The following PLCH1 variants were observed in gnomAD, a reference collection of about 807,000 sequenced individuals.
The protein encoded by PLCH1 is phospholipase C eta 1, also known as 1-phosphatidylinositol 4,5-bisphosphate phosphodiesterase eta-1.
PLCH1 carries 60 observed loss-of-function variants against 126.7 expected under a neutral mutation model. The observed-to-expected ratio is 0.47, with a 90% CI of 0.38 to 0.59. The LOEUF is 0.59. Ranked by LOEUF, PLCH1 falls within the 20% of genes least tolerant of loss-of-function variation. PLCH1 has a pLI of 0.00. For synonymous variants in PLCH1, 719 were observed against 734.9 expected, an observed-to-expected ratio of 0.98 and a Z score of 0.35; for missense variants, 1,723 against 2,040.0, an observed-to-expected ratio of 0.84 and a Z score of 2.99.
At chr3:155,708,488 C>T (rs1746853808) in intron 1 of PLCH1, among the ~76,000 whole-genome samples, 1 of 152,210 alleles carries the variant, frequency 6.6e-6, no homozygotes, top group East Asian at 1.9e-4. Context: ...ACACCTCTAG[C>T]TGGAAGATGA....
intron 12 of PLCH1, among the ~76,000 whole-genome samples, chr3:155,509,210 T>C (rs1485717228): frequency 7.5e-6 from 1 of 134,224 alleles, no homozygotes; most frequent in Admixed American, 7.0e-5. Context: ...ATCCCCTTTA[T>C]CATTTTTTAT....
In PLCH1 at chr3:155,551,369, C is replaced by T. The variant is rs559356712; in HGVS notation, c.1191-1411G>A. On this transcript the variant is annotated intron_variant, in intron 9 of 22. Coordinates refer to ENST00000460012, the MANE Select transcript of PLCH1 (RefSeq NM_014996.4). Reference sequence around the variant, plus strand: ...CTGAGGCAAGAGAATCGCTTGAACCCAGGAGGCGGAGGTTGCAGTGAGCTG... The same window carrying T: ...CTGAGGCAAGAGAATCGCTTGAACCTAGGAGGCGGAGGTTGCAGTGAGCTG... 2.9e-5 allele frequency among the ~76,000 whole-genome samples: 4 copies of T among 136,680 alleles called. No individual in the cohort carries two copies. The South Asian group carries it at 9.4e-4, about 32-fold the overall frequency. The allele number at this position is 136,680 out of a possible 152,430, so 89.7% of individuals were successfully genotyped here. A position where few individuals can be genotyped will look rare whatever the true frequency, so the allele number is the denominator to read the frequency against.
chr3:155,734,217 G>T (rs749110679), intron 1 of PLCH1, among the ~76,000 whole-genome samples: 1 of 151,926 alleles, frequency 6.6e-6, no homozygotes, highest in African/African-American at 2.4e-5. Flanking sequence ...CCAAGACTTC[G>T]GGAGGCCAAG....
At chr3:155,496,765 G>A (rs1576827695) in intron 15 of PLCH1, among the ~76,000 whole-genome samples, 1 of 152,158 alleles carries the variant, frequency 6.6e-6, no homozygotes, top group Admixed American at 6.5e-5. Context: ...GAATAGATGT[G>A]ACTAGAATTT....
chr3:155,583,496 A>G lies in PLCH1; in HGVS notation c.747T>C (p.Ala249=). ...CCTTTTGCTCCACCTTCAAAAACTG[A>G]GCCAGTTCTTCCACAGTTAGGTGAT... The part of the protein sequence containing the change: ...KKDHLTVEEL[A]QFLKVEQKMN... The change falls in exon 6 of 23, where the codon GCT becomes GCC. Residue 249 remains alanine (A), a synonymous_variant. Coordinates refer to ENST00000460012, the MANE Select transcript of PLCH1 (RefSeq NM_014996.4). 1 of 1,606,114 alleles carries G rather than the reference A, an allele frequency of 6.2e-7. No homozygotes were observed. The highest frequency in any genetic ancestry group is 8.5e-7 in the Non-Finnish European group (1 of 1,177,588).
chr3:155,540,956 A>G (rs546685400), intron 10 of PLCH1, among the ~76,000 whole-genome samples: 246 of 152,346 alleles, frequency 1.6e-3, no homozygotes, highest in African/African-American at 5.8e-3. Context: ...TAGCAGCACA[A>G]GTCACAATTG....
Position 155,480,983 on chromosome 3 carries a change from A to G in PLCH1, c.5043T>C (p.Phe1681=). 1 of 1,584,640 alleles carries G rather than the reference A, an allele frequency of 6.3e-7. No individual in the cohort carries two copies. Among genetic ancestry groups the G allele is most frequent in the South Asian group, 1.1e-5 (1 of 89,280 alleles). Residue 1681 remains phenylalanine, a synonymous_variant, in exon 23 of 23, where the codon TTT becomes TTC. Transcript: ENST00000460012. The part of the protein sequence containing the change: ...PSSDDKPEIY[F]LLRL ...TTTAAATAATTCACAGTCTCAAAAGAAAATAAATTTCTGGTTTATCATCAC... is the reference window on the plus strand; with the variant it reads ...TTTAAATAATTCACAGTCTCAAAAGGAAATAAATTTCTGGTTTATCATCAC...
chr3:155,692,168 T>C (rs541377315), intron 2 of PLCH1, among the ~76,000 whole-genome samples: 2 of 152,240 alleles, frequency 1.3e-5, no homozygotes, highest in South Asian at 4.1e-4. Flanking sequence ...AAAGGAAATA[T>C]GAAATAAATT....
intron 11 of PLCH1, among the ~76,000 whole-genome samples, chr3:155,520,556 T>A (rs1720948228): frequency 6.6e-6 from 1 of 152,172 alleles, no homozygotes; most frequent in South Asian, 2.1e-4. Flanking sequence ...AGACACTGCA[T>A]AACTCAGCAG....
chr3:155,601,068 G>A (rs1407134694), intron 2 of PLCH1, among the ~76,000 whole-genome samples: 2 of 152,038 alleles, frequency 1.3e-5, no homozygotes, highest in African/African-American at 2.4e-5. Flanking sequence ...TCCGCCTCCC[G>A]GGTTCACGCC....
intron 10 of PLCH1, among the ~76,000 whole-genome samples, chr3:155,541,548 A>C (rs1295311199): frequency 6.6e-6 from 1 of 152,190 alleles, no homozygotes; most frequent in Non-Finnish European, 1.5e-5. Context: ...CAGGTGGTTC[A>C]TGGAGCAGTT....
chr3:155,532,736 C>G (rs1436746082), intron 10 of PLCH1, among the ~76,000 whole-genome samples: 2 of 152,172 alleles, frequency 1.3e-5, no homozygotes, highest in East Asian at 3.9e-4. Context: ...TCCTGCTAAG[C>G]CTGAGAAACT....
intron 2 of PLCH1, among the ~76,000 whole-genome samples, chr3:155,667,153 A>G (rs897622801): frequency 2.0e-5 from 3 of 152,144 alleles, no homozygotes; most frequent in Non-Finnish European, 4.4e-5. Flanking sequence ...AGAGAAATTG[A>G]CCAAGGGATT....
chr3:155,499,529 G>T (rs1205883157), intron 14 of PLCH1, among the ~76,000 whole-genome samples: 1 of 152,142 alleles, frequency 6.6e-6, no homozygotes, highest in Non-Finnish European at 1.5e-5. Context: ...AGGTGCATTA[G>T]GTTACTAAAG....
In PLCH1 at chr3:155,583,522, C is replaced by A. The variant is rs762515128; in HGVS notation, c.721G>T (p.Asp241Tyr). The change falls in exon 6 of 23, where the codon GAT becomes TAT. Residue 241 changes from aspartate to tyrosine, a missense_variant. Physicochemically the swap from Asp to Tyr is radical, Grantham distance 160. Coordinates refer to ENST00000460012, the MANE Select transcript of PLCH1 (RefSeq NM_014996.4). ...LLLLSYSDKKDHLTVEELAQF... is the reference protein window; with the variant it reads ...LLLLSYSDKKYHLTVEELAQF... ...GCCAGTTCTTCCACAGTTAGGTGAT[C>A]TTTCTTGTCACTGTAGCTCAAAAGT... The A allele has an allele frequency of 6.2e-7, 1 of 1,608,026 alleles. No homozygotes were observed. The highest frequency in any genetic ancestry group is 8.5e-7 in the Non-Finnish European group (1 of 1,178,122).
rs538054319 is a variant in PLCH1 at position 155,703,921 on chromosome 3, TAGAA to T, written c.79+221_79+224del. Among the ~76,000 whole-genome samples the T allele has an allele frequency of 2.1e-4, 32 of 152,172 alleles. 1 individual carries two copies. The South Asian group carries it at 6.4e-3, about 31-fold the overall frequency. On this transcript the variant is annotated intron_variant, in intron 2 of 22. Transcript: ENST00000460012. ...CACTGGTACCAACTACCCTACGAAATAGAAAGAGATAACACTATTATAGTCGTTG... is the reference window on the plus strand; with the variant it reads ...CACTGGTACCAACTACCCTACGAAATAGAGATAACACTATTATAGTCGTTG...
Position 155,605,162 on chromosome 3 carries a change from C to G in PLCH1, c.80-8784G>C, listed in dbSNP as rs1734197198. 2.0e-5 allele frequency among the ~76,000 whole-genome samples: 3 copies of G among 152,182 alleles called. No individual in the cohort carries two copies. In the South Asian group the frequency reaches 6.2e-4, roughly 32 times the overall value. ...CTGTGACCCTGTAGAGGTACTCTCT[C>G]TTTGTCTCCACCACGTGGAGGGTGG... On this transcript the variant is annotated intron_variant, in intron 2 of 22. Transcript: ENST00000460012.
At position 155,530,110 on chromosome 3, in the gene PLCH1, A is replaced by T. The variant is rs186947679; in HGVS notation, c.1363-6106T>A. Among the ~76,000 whole-genome samples the T allele has an allele frequency of 3.2e-4, 49 of 152,190 alleles. No homozygotes were observed. The East Asian group carries it at 8.9e-3, about 28-fold the overall frequency. ...GCTCCATTGATTGACTCTTCCTTTC[A>T]CAAAAGATTTCTCTGCAGCATGTGA... On this transcript the variant is annotated intron_variant, in intron 10 of 22. Coordinates refer to ENST00000460012, the MANE Select transcript of PLCH1 (RefSeq NM_014996.4).
In PLCH1 at chr3:155,583,100, T is replaced by C. The variant is rs946172611; in HGVS notation, c.771+372A>G. Among the ~76,000 whole-genome samples, 3 of 149,952 alleles carry C rather than the reference T, an allele frequency of 2.0e-5. No homozygotes were observed. The East Asian group carries it at 5.8e-4, about 29-fold the overall frequency. On this transcript the variant is annotated intron_variant, in intron 6 of 22. Coordinates refer to ENST00000460012, the MANE Select transcript of PLCH1 (RefSeq NM_014996.4). ...TTAAAATAAATAAATTTGACTAAAT[T>C]TATACTAATATGAATTTATACTAAT...
Sources: gnomAD v4.1 joint callset for allele counts (sites outside exome capture counted in the v4.1 genomes callset) on GRCh38, gnomAD v4.1.1 for gene constraint, MANE v1.5 for transcripts, NCBI Gene and HGNC (gene_info 2026-07-23, HGNC 2026-07-21) for gene names.